Variants in RET observed in about 807,000 individuals in gnomAD.
RET encodes the protein ret proto-oncogene, also known as proto-oncogene tyrosine-protein kinase receptor Ret.
A neutral mutation model predicts 118.3 loss-of-function variants in RET; 19 were observed. That is an observed-to-expected ratio of 0.16 (90% confidence interval 0.11 to 0.24). RET has a LOEUF of 0.24. Ranked by LOEUF, RET falls within the 10% of genes least tolerant of loss-of-function variation. The pLI is 1.00. For synonymous variants in RET, 597 were observed against 644.1 expected (o/e 0.93, Z 1.11); for missense variants, 1,219 against 1,502.1 (o/e 0.81, Z 3.12).
intron 1 of RET, among the ~76,000 whole-genome samples, chr10:43,079,773 C>T (rs1413758337): frequency 6.6e-6 from 1 of 152,188 alleles, no homozygotes; most frequent in Non-Finnish European, 1.5e-5. Context: ...AGACCACCCT[C>T]TGCAGAGGGC....
intron 1 of RET, 99 bp from the exon 2 acceptor site, chr10:43,100,360 C>T (rs1837609395): frequency 1.4e-6 from 2 of 1,383,602 alleles, no homozygotes; most frequent in Non-Finnish European, 2.0e-6. Context: ...TGAAAAACTC[C>T]TGCTAAGATC....
intron 19 of RET, chr10:43,126,985 G>A: frequency 7.2e-7 from 1 of 1,387,748 alleles, no homozygotes; most frequent in South Asian, 1.6e-5. Context: ...AAACAGATCA[G>A]GGCGGAACTC....
intron 1 of RET, among the ~76,000 whole-genome samples, chr10:43,088,051 G>C (rs1369979305): frequency 1.3e-5 from 2 of 152,036 alleles, no homozygotes; most frequent in African/African-American, 4.8e-5. Context: ...TGTGGTGGTG[G>C]TGGTGGTGAT....
At chr10:43,087,167 G>C (rs1421501857) in intron 1 of RET, among the ~76,000 whole-genome samples, 1 of 152,230 alleles carries the variant, frequency 6.6e-6, no homozygotes, top group Non-Finnish European at 1.5e-5. Flanking sequence ...CAGTTAAGGA[G>C]GGCCATGTTC....
intron 1 of RET, among the ~76,000 whole-genome samples, chr10:43,078,252 C>A (rs1489942303): frequency 6.6e-6 from 1 of 152,206 alleles, no homozygotes; most frequent in African/African-American, 2.4e-5. Flanking sequence ...CCCCTCCAAG[C>A]GCTTGTGTAT....
chr10:43,118,312 A>G lies in RET; in HGVS notation c.2285-61A>G, dbSNP rs1231100178. 5.4e-6 allele frequency: 7 copies of G among 1,301,144 alleles called. No individual in the cohort carries two copies. The East Asian group carries it at 1.2e-4, about 22-fold the overall frequency. The allele number at this position is 1,301,144 out of a possible 1,614,324, so 80.6% of individuals were successfully genotyped here. A position where few individuals can be genotyped will look rare whatever the true frequency, so the allele number is the denominator to read the frequency against. ...CGATGCAGGTCCATCCTGACCTGGT[A>G]TGGTCATGGAAGGGGCTTCCAGGAG... On this transcript the variant is annotated intron_variant, in intron 12 of 19. Coordinates refer to ENST00000355710, the MANE Select transcript of RET (RefSeq NM_020975.6).
At position 43,120,327 on chromosome 10, in the gene RET, C is replaced by T. The variant is rs544655737; in HGVS notation, c.2730+124C>T. 55 of 1,349,780 alleles carry T rather than the reference C, an allele frequency of 4.1e-5. No individual in the cohort carries two copies. The African/African-American group carries it at 7.8e-4, about 19-fold the overall frequency. 83.6% of individuals were successfully genotyped at this position (1,349,780 alleles called of 1,614,324 possible). A position where few individuals can be genotyped will look rare whatever the true frequency, so the allele number is the denominator to read the frequency against. ...AGTGGAGCTCTAAGCTTTTTATAGCCCTCACCCCAAATCTTTCTGACCCTG... is the reference window on the plus strand; with the variant it reads ...AGTGGAGCTCTAAGCTTTTTATAGCTCTCACCCCAAATCTTTCTGACCCTG... On this transcript the variant is annotated intron_variant, in intron 15 of 19. Coordinates refer to ENST00000355710, the MANE Select transcript of RET (RefSeq NM_020975.6).
At chr10:43,087,858 A>G (rs1002768861) in intron 1 of RET, among the ~76,000 whole-genome samples, 3 of 152,182 alleles carry the variant, frequency 2.0e-5, no homozygotes, top group Admixed American at 6.5e-5. Flanking sequence ...ATGCCAGCAA[A>G]GTGATGAGAG....
At chr10:43,122,219 C>T (rs1168468005) in intron 16 of RET, among the ~76,000 whole-genome samples, 1 of 152,130 alleles carries the variant, frequency 6.6e-6, no homozygotes, top group Admixed American at 6.5e-5. Flanking sequence ...TGGGCCAGGC[C>T]GGGCTGCAGT....
At chr10:43,119,473 C>T (rs2132940798) in intron 13 of RET, 58 bp from the exon 14 acceptor site, 1 of 1,490,916 alleles carries the variant, frequency 6.7e-7, no homozygotes, top group Non-Finnish European at 9.1e-7. Flanking sequence ...ACCCCTGGCT[C>T]CTGGAAGACC....
intron 9 of RET, 117 bp downstream of exon 9, chr10:43,113,080 C>A (rs1291444119): frequency 4.8e-6 from 4 of 827,384 alleles, no homozygotes; most frequent in Non-Finnish European, 6.1e-6. Context: ...TCAAGCTGAG[C>A]CTCCTGTGCA....
chr10:43,121,064 G>A (rs1838206782), intron 15 of RET, among the ~76,000 whole-genome samples: 1 of 152,248 alleles, frequency 6.6e-6, no homozygotes, highest in South Asian at 2.1e-4. Context: ...TTTCCCTTGT[G>A]ACAGCAGATC....
In RET at chr10:43,116,735, C is replaced by T. The variant is rs1838080320; in HGVS notation, c.2284+4C>T. On this transcript the variant is annotated splice_donor_region_variant and intron_variant, in intron 12 of 19. Coordinates refer to ENST00000355710, the MANE Select transcript of RET (RefSeq NM_020975.6). ...GTGGCCGTGAAGATGCTGAAAGGTA[C>T]CTGCCAGGCACAGGCACAGTGCCCC... The T allele has an allele frequency of 1.2e-6, 2 of 1,613,244 alleles. No homozygotes were observed. Among genetic ancestry groups the T allele is most frequent in the Middle Eastern group, 1.8e-4 (1 of 5,632 alleles).
intron 1 of RET, among the ~76,000 whole-genome samples, chr10:43,084,983 G>A (rs570817463): frequency 2.0e-5 from 3 of 152,262 alleles, no homozygotes; most frequent in South Asian, 4.1e-4. Context: ...GCTGATAATC[G>A]GATCCGCTGT....
intron 1 of RET, among the ~76,000 whole-genome samples, chr10:43,093,081 T>C (rs1306519005): frequency 6.6e-6 from 1 of 152,030 alleles, no homozygotes; most frequent in East Asian, 1.9e-4. Flanking sequence ...TCACAGAAAG[T>C]GAGTTGGCAG....
At chr10:43,090,386 G>A (rs1588856633) in intron 1 of RET, among the ~76,000 whole-genome samples, 1 of 152,226 alleles carries the variant, frequency 6.6e-6, no homozygotes, top group East Asian at 1.9e-4. Flanking sequence ...CGTGTGAGGA[G>A]GAGGCGTGGC....
chr10:43,090,100 A>C (rs999356822), intron 1 of RET, among the ~76,000 whole-genome samples: 3 of 152,192 alleles, frequency 2.0e-5, no homozygotes, highest in Non-Finnish European at 2.9e-5. Flanking sequence ...TGTGTATGAA[A>C]GGGAAACTGG....
intron 1 of RET, among the ~76,000 whole-genome samples, chr10:43,086,621 GC>G (rs554066189): frequency 1.3e-5 from 2 of 152,364 alleles, no homozygotes; most frequent in South Asian, 4.1e-4. Flanking sequence ...TCATCCACAG[GC>G]CACTTGGGTG....
rs1345186559 is a variant in RET at position 43,124,776 on chromosome 10, G to A, written c.2940-107G>A. The A allele has an allele frequency of 4.6e-6, 5 of 1,080,570 alleles. No individual in the cohort carries two copies. In the Admixed American group the frequency reaches 5.1e-5, roughly 11 times the overall value. The allele number at this position is 1,080,570 out of a possible 1,614,324, so 66.9% of individuals were successfully genotyped here. On this transcript the variant is annotated intron_variant, in intron 17 of 19. Transcript: ENST00000355710. ...AAATAGCTTTGGAGTTGGAGACAGA[G>A]CACACTGGGCCCAGGGTACAGGGCA... is the stretch of plus-strand genomic sequence containing the variant.
Sources: gnomAD v4.1 joint callset for allele counts (sites outside exome capture counted in the v4.1 genomes callset) on GRCh38, gnomAD v4.1.1 for gene constraint, MANE v1.5 for transcripts, NCBI Gene and HGNC (gene_info 2026-07-23, HGNC 2026-07-21) for gene names.